MSRA: variants seen among roughly 807,000 people sequenced by gnomAD.
MSRA encodes the protein mitochondrial peptide methionine sulfoxide reductase.
MSRA carries 54 observed loss-of-function variants against 31.3 expected under a neutral mutation model. The observed-to-expected ratio is 1.73, with a 90% CI of 1.39 to 2.17. The LOEUF is 2.17. MSRA is among the 30% of genes most tolerant of loss of function. MSRA has a pLI of 0.00. For synonymous variants in MSRA, 169 were observed against 116.5 expected (o/e 1.45, Z -2.90); for missense variants, 507 against 300.9 (o/e 1.69, Z -5.07).
At chr8:10,070,101 A>G (rs1312873944) in intron 1 of MSRA, among the ~76,000 whole-genome samples, 1 of 152,220 alleles carries the variant, frequency 6.6e-6, no homozygotes, top group Admixed American at 6.5e-5. Context: ...AGACTGGAAA[A>G]TGGAAAGAAT....
chr8:10,184,447 G>T (rs1314523046), intron 1 of MSRA, among the ~76,000 whole-genome samples: 1 of 151,994 alleles, frequency 6.6e-6, no homozygotes, highest in Admixed American at 6.6e-5. Flanking sequence ...AAAAGGTTTG[G>T]CTGGTGTTAT....
intron 5 of MSRA, among the ~76,000 whole-genome samples, chr8:10,392,600 C>G (rs1480853153): frequency 6.6e-6 from 1 of 152,080 alleles, no homozygotes; most frequent in East Asian, 1.9e-4. Flanking sequence ...TGTCATTAAA[C>G]CGAATCTGGT....
chr8:10,252,640 T>A (rs1344178237), intron 3 of MSRA, among the ~76,000 whole-genome samples: 2 of 152,178 alleles, frequency 1.3e-5, no homozygotes, highest in Non-Finnish European at 2.9e-5. Context: ...CAAATTGGCT[T>A]CCTGGCCTGG....
intron 1 of MSRA, among the ~76,000 whole-genome samples, chr8:10,088,650 C>T (rs1466538901): frequency 1.3e-5 from 2 of 151,998 alleles, no homozygotes; most frequent in Non-Finnish European, 2.9e-5. Flanking sequence ...GCGAGAGAAT[C>T]GTTTGAACCT....
intron 5 of MSRA, among the ~76,000 whole-genome samples, chr8:10,407,284 T>C (rs1295611431): frequency 1.3e-5 from 2 of 152,204 alleles, no homozygotes; most frequent in African/African-American, 4.8e-5. Context: ...CATCAGACTT[T>C]CATCAGCTCC....
chr8:10,289,889 G>A (rs1044471585), intron 3 of MSRA, among the ~76,000 whole-genome samples: 2 of 152,146 alleles, frequency 1.3e-5, no homozygotes, highest in African/African-American at 2.4e-5. Context: ...GAAGTTCTGC[G>A]ATGCCATGGT....
intron 1 of MSRA, among the ~76,000 whole-genome samples, chr8:10,117,419 C>T (rs1308689009): frequency 4.6e-5 from 7 of 152,282 alleles, no homozygotes; most frequent in East Asian, 3.9e-4. Flanking sequence ...TCTGGTCAGC[C>T]GCATTCTGCA....
chr8:10,315,124 C>T (rs973829087), intron 4 of MSRA, among the ~76,000 whole-genome samples: 1 of 152,128 alleles, frequency 6.6e-6, no homozygotes, highest in African/African-American at 2.4e-5. Flanking sequence ...GACTTATTCA[C>T]TGTCATGAGA....
At chr8:10,174,881 T>A (rs893911197) in intron 1 of MSRA, among the ~76,000 whole-genome samples, 2 of 152,154 alleles carry the variant, frequency 1.3e-5, no homozygotes, top group Non-Finnish European at 2.9e-5. Context: ...TGTCCTCTGG[T>A]GTCTGTCAAT....
intron 2 of MSRA, among the ~76,000 whole-genome samples, chr8:10,219,152 G>A (rs923454188): frequency 6.6e-6 from 1 of 152,192 alleles, no homozygotes; most frequent in African/African-American, 2.4e-5. Flanking sequence ...AAATGGAGAA[G>A]CAGTCAAGAA....
chr8:10,413,571 C>A (rs1808282510), intron 5 of MSRA, among the ~76,000 whole-genome samples: 1 of 149,200 alleles, frequency 6.7e-6, no homozygotes, highest in Non-Finnish European at 1.5e-5. Flanking sequence ...TATAAAGGTG[C>A]ACCAAGAACT....
At chr8:10,213,420 G>GT (rs71280779) in intron 2 of MSRA, among the ~76,000 whole-genome samples, 29,172 of 140,320 alleles carry the variant, frequency 0.21, 3,330 homozygotes, top group South Asian at 0.27. Context: ...TTGTGTACAT[G>GT]TACCACACTT....
chr8:10,290,500 C>A (rs1225592480), intron 3 of MSRA, among the ~76,000 whole-genome samples: 4 of 152,118 alleles, frequency 2.6e-5, no homozygotes, highest in Non-Finnish European at 5.9e-5. Context: ...CATCAGATGC[C>A]CAAGTTCGTG....
intron 1 of MSRA, among the ~76,000 whole-genome samples, chr8:10,089,208 C>T (rs1435441672): frequency 6.6e-6 from 1 of 152,036 alleles, no homozygotes; most frequent in African/African-American, 2.4e-5. Flanking sequence ...ACTGCAGTAA[C>T]CATTTTGCCA....
intron 1 of MSRA, among the ~76,000 whole-genome samples, chr8:10,191,051 C>T (rs1807463916): frequency 6.6e-6 from 1 of 152,282 alleles, no homozygotes; most frequent in South Asian, 2.1e-4. Context: ...CATAGCGTCC[C>T]ATTCTTCTGC....
At chr8:10,179,214 C>G (rs1446912209) in intron 1 of MSRA, among the ~76,000 whole-genome samples, 1 of 152,128 alleles carries the variant, frequency 6.6e-6, no homozygotes, top group African/African-American at 2.4e-5. Context: ...GAATCATCAT[C>G]TATTTTTTAA....
At chr8:10,233,746 C>A (rs576497841) in intron 2 of MSRA, among the ~76,000 whole-genome samples, 1 of 151,852 alleles carries the variant, frequency 6.6e-6, no homozygotes, top group Non-Finnish European at 1.5e-5. Context: ...AATAGAATTG[C>A]GAGAATAGTG....
chr8:10,100,303 G>A (rs527359490), intron 1 of MSRA, among the ~76,000 whole-genome samples: 35 of 152,282 alleles, frequency 2.3e-4, no homozygotes, highest in African/African-American at 7.9e-4. Context: ...GGAGCATTGT[G>A]TATAGTTCTG....
chr8:10,079,244 G>A (rs976624543), intron 1 of MSRA, among the ~76,000 whole-genome samples: 4 of 152,104 alleles, frequency 2.6e-5, no homozygotes, highest in African/African-American at 7.2e-5. Flanking sequence ...CTGCAGCCTC[G>A]ACATCCTGGG....
Sources: allele counts gnomAD v4.1 joint callset (sites outside exome capture counted in the v4.1 genomes callset), GRCh38; gene constraint gnomAD v4.1.1; transcripts MANE v1.5; gene names NCBI Gene and HGNC (gene_info 2026-07-23, HGNC 2026-07-21).